ADAM9: variants seen among roughly 807,000 people sequenced by gnomAD.
ADAM9 encodes the protein ADAM metallopeptidase domain 9.
ADAM9 carries 54 observed loss-of-function variants against 108.1 expected under a neutral mutation model. The ratio of observed to expected loss-of-function variants is 0.50; its 90% confidence interval spans 0.40 to 0.63. The LOEUF (loss-of-function observed/expected upper bound fraction) is 0.63, where lower values mean the gene tolerates loss of function less well. ADAM9 is among the 20% of genes least tolerant of loss of function. The pLI, the probability that ADAM9 is intolerant of heterozygous loss-of-function variation, is 0.00. For synonymous variants in ADAM9, 316 were observed against 336.0 expected, an observed-to-expected ratio of 0.94 and a Z score of 0.65; for missense variants, 830 against 997.7, an observed-to-expected ratio of 0.83 and a Z score of 2.26.
chr8:39,037,270 C>T (rs1271371205), intron 11 of ADAM9, among the ~76,000 whole-genome samples: 4 of 147,664 alleles, frequency 2.7e-5, no homozygotes, highest in South Asian at 2.1e-4. Context: ...ACCGTGGTCT[C>T]GATCTCCTGA....
intron 7 of ADAM9, among the ~76,000 whole-genome samples, chr8:39,021,376 C>T (rs550038564): frequency 8.1e-4 from 123 of 152,146 alleles, no homozygotes; most frequent in African/African-American, 2.9e-3. Flanking sequence ...TCCACCCCCA[C>T]GGGTTCAAGC....
At chr8:39,059,931 G>A (rs1564328826) in intron 14 of ADAM9, among the ~76,000 whole-genome samples, 1 of 152,234 alleles carries the variant, frequency 6.6e-6, no homozygotes, top group African/African-American at 2.4e-5. Flanking sequence ...GCAGGGGCAT[G>A]TGGGGCACTT....
chr8:39,041,867 G>A, intron 11 of ADAM9, 79 bp from the exon 12 acceptor site: 1 of 1,275,482 alleles, frequency 7.8e-7, no homozygotes. Context: ...TTCACATTTT[G>A]TGGGTTAAAG....
At chr8:39,061,510 G>A (rs561765656) in intron 14 of ADAM9, among the ~76,000 whole-genome samples, 6 of 152,248 alleles carry the variant, frequency 3.9e-5, no homozygotes, top group East Asian at 1.9e-4. Context: ...CTGAAAGGTC[G>A]AATTTTTTTC....
Position 39,023,252 on chromosome 8 carries a change from C to T in ADAM9, c.841C>T (p.Leu281=), listed in dbSNP as rs1564256698. ...CATAGTTGGGGGTGCTGGTGATGTG[C>T]TGGGGAACTTCGTGCAGTGGCGGGA... ...INIVGGAGDV[L]GNFVQWREKF... The change falls in exon 9 of 22, where the codon CTG becomes TTG. Residue 281 remains leucine, a synonymous_variant. Coordinates refer to ENST00000487273, the MANE Select transcript of ADAM9 (RefSeq NM_003816.3). 2 of 1,613,600 alleles carry T rather than the reference C, an allele frequency of 1.2e-6. No individual in the cohort carries two copies. The highest frequency in any genetic ancestry group is 1.7e-6 in the Non-Finnish European group (2 of 1,179,832).
At chr8:39,034,341 C>A (rs1837200882) in intron 11 of ADAM9, among the ~76,000 whole-genome samples, 1 of 152,028 alleles carries the variant, frequency 6.6e-6, no homozygotes, top group African/African-American at 2.4e-5. Context: ...TTATCCTTCC[C>A]CACACAGTTC....
At chr8:39,029,220 C>T (rs1406250562) in intron 11 of ADAM9, among the ~76,000 whole-genome samples, 1 of 147,152 alleles carries the variant, frequency 6.8e-6, no homozygotes, top group Non-Finnish European at 1.5e-5. Context: ...ATTACTGGAT[C>T]TTGGAGAGTC....
At chr8:39,057,110 C>T (rs1838148717) in intron 14 of ADAM9, among the ~76,000 whole-genome samples, 1 of 152,098 alleles carries the variant, frequency 6.6e-6, no homozygotes, top group Non-Finnish European at 1.5e-5. Context: ...AGTACAGTGA[C>T]ATGGTGTACA....
intron 1 of ADAM9, among the ~76,000 whole-genome samples, chr8:39,002,480 G>A (rs961745269): frequency 7.9e-5 from 12 of 151,592 alleles, no homozygotes; most frequent in African/African-American, 2.7e-4. Flanking sequence ...CACCACGCCC[G>A]GCTAATTTTT....
chr8:39,051,720 T>G (rs1308364661), intron 12 of ADAM9, among the ~76,000 whole-genome samples: 1 of 152,218 alleles, frequency 6.6e-6, no homozygotes, highest in Non-Finnish European at 1.5e-5. Flanking sequence ...ATCTCTTGTG[T>G]GCAGATTTTT....
chr8:39,086,580 C>T (rs1839187374), intron 18 of ADAM9, among the ~76,000 whole-genome samples: 1 of 152,130 alleles, frequency 6.6e-6, no homozygotes, highest in African/African-American at 2.4e-5. Flanking sequence ...ATGTCCTTGT[C>T]TACTAATTCT....
At position 39,103,820 on chromosome 8, in the gene ADAM9, A is replaced by T; in HGVS notation, c.*120A>T. ...CTATGAATGAAAACAAAACACCACA[A>T]AACAGACTTCACTAACACAGAAAAA... On this transcript the variant is annotated 3_prime_UTR_variant, in exon 22 of 22. Transcript: ENST00000487273. 2 of 933,536 alleles carry T rather than the reference A, an allele frequency of 2.1e-6. No individual in the cohort carries two copies. The highest frequency in any genetic ancestry group is 3.4e-6 in the Non-Finnish European group (2 of 585,058). 57.8% of individuals were successfully genotyped at this position (933,536 alleles called of 1,614,324 possible).
At chr8:39,016,267 A>T (rs897770695) in intron 5 of ADAM9, 73 bp downstream of exon 5, 4 of 1,371,886 alleles carry the variant, frequency 2.9e-6, no homozygotes, top group Non-Finnish European at 4.2e-6. Flanking sequence ...TCTGTCTCCA[A>T]ATTAAATCAT....
chr8:39,035,915 C>G (rs1268366220), intron 11 of ADAM9, among the ~76,000 whole-genome samples: 2 of 152,138 alleles, frequency 1.3e-5, no homozygotes, highest in African/African-American at 2.4e-5. Flanking sequence ...TATTTTTCCT[C>G]AGATTCCTTT....
At chr8:39,043,470 A>G (rs1047211396) in intron 12 of ADAM9, among the ~76,000 whole-genome samples, 1 of 152,078 alleles carries the variant, frequency 6.6e-6, no homozygotes, top group Non-Finnish European at 1.5e-5. Context: ...TAGCAATCCT[A>G]ACAGGTATGA....
At position 39,103,588 on chromosome 8, in the gene ADAM9, A is replaced by G. The variant is rs1839767484; in HGVS notation, c.2367-19A>G. 1 of 1,609,720 alleles carries G rather than the reference A, an allele frequency of 6.2e-7. No individual in the cohort carries two copies. The highest frequency in any genetic ancestry group is 2.2e-5 in the East Asian group (1 of 44,842). The stretch of plus-strand genomic sequence containing the variant: ...ACCCAGTCTAAACACTCTATTAACT[A>G]TCTCTTTTCCCCTCGCAGGCCACCT... On this transcript the variant is annotated intron_variant, in intron 21 of 21. Transcript: ENST00000487273.
At chr8:39,023,736 G>GT (rs1836824287) in intron 9 of ADAM9, among the ~76,000 whole-genome samples, 20 of 119,500 alleles carry the variant, frequency 1.7e-4, no homozygotes, top group African/African-American at 5.3e-4. Context: ...TTTCTTTTGC[G>GT]TTTGTTTTTT....
intron 18 of ADAM9, among the ~76,000 whole-genome samples, chr8:39,085,958 A>G (rs1223276005): frequency 6.7e-6 from 1 of 149,854 alleles, no homozygotes; most frequent in African/African-American, 2.5e-5. Context: ...GTGTTATTTC[A>G]CATGTCACTG....
chr8:39,039,882 G>A (rs566621147), intron 11 of ADAM9, among the ~76,000 whole-genome samples: 2 of 152,176 alleles, frequency 1.3e-5, no homozygotes, highest in Admixed American at 6.5e-5. Flanking sequence ...TTTTCTTTGG[G>A]TGTATACCCA....
Sources: gnomAD v4.1 joint callset for allele counts (sites outside exome capture counted in the v4.1 genomes callset) on GRCh38, gnomAD v4.1.1 for gene constraint, MANE v1.5 for transcripts, NCBI Gene and HGNC (gene_info 2026-07-23, HGNC 2026-07-21) for gene names.